Variants in CHORDC1 observed in about 807,000 individuals in gnomAD.
CHORDC1 encodes cysteine and histidine-rich domain-containing protein 1.
CHORDC1 carries 25 observed loss-of-function variants against 48.3 expected under a neutral mutation model. The ratio of observed to expected loss-of-function variants is 0.52; its 90% CI spans 0.38 to 0.72. The LOEUF (loss-of-function observed/expected upper bound fraction) is 0.72, where lower values mean the gene tolerates loss of function less well. Ranked by LOEUF, CHORDC1 falls within the 30% of genes least tolerant of loss-of-function variation. The probability of loss-of-function intolerance (pLI) is 0.00; values close to 1 mark genes in which losing one functional copy is unlikely to be tolerated. For synonymous variants in CHORDC1, 128 were observed against 126.4 expected (o/e 1.01, Z -0.09); for missense variants, 317 against 388.7 (o/e 0.82, Z 1.55).
chr11:90,214,823 A>G (rs187806986), intron 3 of CHORDC1, among the ~76,000 whole-genome samples: 1 of 152,182 alleles, frequency 6.6e-6, no homozygotes, highest in East Asian at 1.9e-4. Context: ...GGTTTTATAT[A>G]AAAGTGGTAT....
Position 90,211,296 on chromosome 11 carries a change from A to G in CHORDC1, c.352T>C (p.Leu118=). The stretch of plus-strand genomic sequence containing the variant: ...AGGGAGGCAGATATTTTTAATTCCA[A>G]ATTTGTCATTGGTTCATCTGGGCTG... The part of the protein sequence containing the change: ...RPSPDEPMTN[L]ELKISASLKQ... Residue 118 remains leucine (L), a synonymous_variant, in exon 5 of 11, where the codon TTG becomes CTG. Coordinates refer to ENST00000320585, the MANE Select transcript of CHORDC1 (RefSeq NM_012124.3). 4 of 1,608,026 alleles carry G rather than the reference A, an allele frequency of 2.5e-6. No homozygotes were observed. The highest frequency in any genetic ancestry group is 3.4e-6 in the Non-Finnish European group (4 of 1,175,304).
At chr11:90,218,717 A>C (rs1050888331) in intron 1 of CHORDC1, among the ~76,000 whole-genome samples, 4 of 152,152 alleles carry the variant, frequency 2.6e-5, no homozygotes, top group South Asian at 2.1e-4. Context: ...ACTAAAAAGA[A>C]GACTAGGGTG....
chr11:90,206,336 T>C, intron 6 of CHORDC1, 64 bp from the exon 7 acceptor site: 1 of 902,398 alleles, frequency 1.1e-6, no homozygotes, highest in South Asian at 1.4e-5. Flanking sequence ...TCATACATAT[T>C]TGCAGTATTG....
rs988732232 is a variant in CHORDC1 at position 90,223,029 on chromosome 11, G to C, written c.-75C>G. 6 of 1,298,912 alleles carry C rather than the reference G, an allele frequency of 4.6e-6. No individual in the cohort carries two copies. The highest frequency in any genetic ancestry group is 4.4e-6 in the Non-Finnish European group (4 of 901,072). 80.5% of individuals were successfully genotyped at this position (1,298,912 alleles called of 1,614,324 possible). On this transcript the variant is annotated 5_prime_UTR_variant, in exon 1 of 11. Transcript: ENST00000320585. The stretch of plus-strand genomic sequence containing the variant: ...AGGATGCGTTTGCCACTCCCGTGTC[G>C]CTAGCACCGGTCTGACGACTGAGGC...
intron 3 of CHORDC1, among the ~76,000 whole-genome samples, chr11:90,214,819 A>C (rs1229616128): frequency 6.6e-6 from 1 of 152,070 alleles, no homozygotes; most frequent in East Asian, 1.9e-4. Context: ...AAGTGGTTTT[A>C]TATAAAAGTG....
Position 90,222,949 on chromosome 11 carries a change from G to A in CHORDC1, c.6C>T (p.Ala2=), listed in dbSNP as rs756376294. 1.9e-6 allele frequency: 3 copies of A among 1,613,946 alleles called. No individual in the cohort carries two copies. The highest frequency in any genetic ancestry group is 1.1e-5 in the South Asian group (1 of 91,078). ...CGCAGCCCCGGTTGTAGCACAGCAA[G>A]GCCATTTTCTTTTCCCACCGTCACA... M[A]LLCYNRGCGQ... Residue 2 remains alanine (A), a synonymous_variant, in exon 1 of 11, where the codon GCC becomes GCT. Transcript: ENST00000320585.
chr11:90,207,520 T>A (rs1857728767), intron 6 of CHORDC1: 1 of 151,954 alleles, frequency 6.6e-6, no homozygotes, highest in South Asian at 2.1e-4. Context: ...AAAAAGTTTA[T>A]CAAAGTCGTC....
rs185352048 is a variant in CHORDC1 at position 90,202,606 on chromosome 11, A to T, written c.853-55T>A. 24 of 1,577,430 alleles carry T rather than the reference A, an allele frequency of 1.5e-5. No individual in the cohort carries two copies. The African/African-American group carries it at 3.1e-4, about 20-fold the overall frequency. On this transcript the variant is annotated intron_variant, in intron 10 of 10. Coordinates refer to ENST00000320585, the MANE Select transcript of CHORDC1 (RefSeq NM_012124.3). ...ACCTCAGTAGTTTTATTAGTCTCAG[A>T]GGAAAACATCAGACTTGCTTATGCC...
At chr11:90,211,372 G>T (rs768302598) in intron 4 of CHORDC1, 54 bp from the exon 5 acceptor site, 1 of 1,136,554 alleles carries the variant, frequency 8.8e-7, no homozygotes, top group Non-Finnish European at 1.3e-6. Context: ...ATATTTCTTT[G>T]TACTCCAAAT....
chr11:90,221,646 T>C (rs1052717432), intron 1 of CHORDC1, among the ~76,000 whole-genome samples: 6 of 152,222 alleles, frequency 3.9e-5, no homozygotes, highest in Non-Finnish European at 2.9e-5. Context: ...TTTAAAATCG[T>C]TTCTCGATTT....
rs1857536680 is a variant in CHORDC1 at position 90,201,212 on chromosome 11, AC to A, written c.*1192del. 1 of 151,892 alleles carries A rather than the reference AC, an allele frequency of 6.6e-6. No homozygotes were observed. Among genetic ancestry groups the A allele is most frequent in the African/African-American group, 2.4e-5 (1 of 41,422 alleles). The allele number at this position is 151,892 out of a possible 1,614,324, so 9.4% of individuals were successfully genotyped here. A position where few individuals can be genotyped will look rare whatever the true frequency, so the allele number is the denominator to read the frequency against. Reference sequence around the variant, plus strand: ...AAGACTCAAGGGGTTTGGGAAATAAACCCCTTTTAATTTTAAATCTACATAA... The same window carrying A: ...AAGACTCAAGGGGTTTGGGAAATAAACCCTTTTAATTTTAAATCTACATAA... On this transcript the variant is annotated 3_prime_UTR_variant, in exon 11 of 11. Transcript: ENST00000320585.
intron 1 of CHORDC1, among the ~76,000 whole-genome samples, chr11:90,220,310 G>T (rs1216748004): frequency 6.6e-6 from 1 of 152,148 alleles, no homozygotes; most frequent in Non-Finnish European, 1.5e-5. Context: ...AGCTAATGTA[G>T]AAAGTGTTAG....
intron 6 of CHORDC1, chr11:90,206,906 G>T: frequency 2.2e-6 from 1 of 458,782 alleles, no homozygotes. Context: ...CCTACAAACA[G>T]AAAATAAAAT....
chr11:90,202,615 T>G lies in CHORDC1; in HGVS notation c.853-64A>C. 2.6e-6 allele frequency: 4 copies of G among 1,554,232 alleles called. 1 individual carries two copies. In the South Asian group the frequency reaches 4.7e-5, roughly 18 times the overall value. ...GTTTTATTAGTCTCAGAGGAAAACA[T>G]CAGACTTGCTTATGCCAATAATCCC... On this transcript the variant is annotated intron_variant, in intron 10 of 10. Coordinates refer to ENST00000320585, the MANE Select transcript of CHORDC1 (RefSeq NM_012124.3).
chr11:90,213,729 T>G (rs889238133), intron 4 of CHORDC1: 6 of 454,968 alleles, frequency 1.3e-5, no homozygotes, highest in African/African-American at 1.2e-4. Flanking sequence ...GTGAAAAAGA[T>G]GCACTCTAAG....
chr11:90,210,402 G>A, intron 6 of CHORDC1, 134 bp downstream of exon 6: 2 of 628,504 alleles, frequency 3.2e-6, no homozygotes, highest in Admixed American at 3.2e-5. Flanking sequence ...ATCCATGATT[G>A]TAGCCCTAGT....
chr11:90,212,589 G>C (rs1857901885), intron 4 of CHORDC1: 1 of 151,978 alleles, frequency 6.6e-6, no homozygotes, highest in Non-Finnish European at 1.5e-5. Flanking sequence ...CTGGGTAAGA[G>C]AGGGACTTTT....
chr11:90,206,065 AGGCTATTGT>A, intron 7 of CHORDC1, 128 bp downstream of exon 7: 2 of 673,642 alleles, frequency 3.0e-6, no homozygotes, highest in Non-Finnish European at 5.4e-6. Flanking sequence ...GTGTTTGTGT[AGGCTATTGT>A]GAAGATGTTA....
Position 90,202,100 on chromosome 11 carries a change from AACAGAGAAAT to A in CHORDC1, c.*295_*304del. 1 of 233,364 alleles carries A rather than the reference AACAGAGAAAT, an allele frequency of 4.3e-6. No homozygotes were observed. The highest frequency in any genetic ancestry group is 8.2e-6 in the Non-Finnish European group (1 of 121,878). 14.5% of individuals were successfully genotyped at this position (233,364 alleles called of 1,614,324 possible). A position where few individuals can be genotyped will look rare whatever the true frequency, so the allele number is the denominator to read the frequency against. On this transcript the variant is annotated 3_prime_UTR_variant, in exon 11 of 11. Transcript: ENST00000320585. ...AATGTTCCTTAATATTTCTTTGCTT[AACAGAGAAAT>A]ACAAAGAAATACTGCAATTATGGTT...
Sources: gnomAD v4.1 joint callset for allele counts (sites outside exome capture counted in the v4.1 genomes callset) on GRCh38, gnomAD v4.1.1 for gene constraint, MANE v1.5 for transcripts, NCBI Gene and HGNC (gene_info 2026-07-23, HGNC 2026-07-21) for gene names.